MSI2: variants seen among roughly 807,000 people sequenced by gnomAD.
MSI2 encodes the protein RNA-binding protein Musashi homolog 2.
MSI2 carries 17 observed loss-of-function variants against 45.6 expected under a neutral mutation model. The ratio of observed to expected loss-of-function variants is 0.37; its 90% CI spans 0.26 to 0.56. The LOEUF is 0.56. Ranked by LOEUF, MSI2 falls within the 20% of genes least tolerant of loss-of-function variation. The probability of loss-of-function intolerance (pLI) is 0.77; values close to 1 mark genes in which losing one functional copy is unlikely to be tolerated. For synonymous variants in MSI2, 156 were observed against 158.2 expected (o/e 0.99, Z 0.11); for missense variants, 293 against 444.2 (o/e 0.66, Z 3.06).
intron 7 of MSI2, among the ~76,000 whole-genome samples, chr17:57,559,102 A>G (rs914052096): frequency 6.6e-6 from 1 of 152,142 alleles, no homozygotes; most frequent in Non-Finnish European, 1.5e-5. Flanking sequence ...CTTTGACATC[A>G]TTTTAATTCA....
intron 6 of MSI2, among the ~76,000 whole-genome samples, chr17:57,411,720 A>G (rs1567808802): frequency 1.3e-5 from 2 of 152,170 alleles, no homozygotes; most frequent in East Asian, 3.9e-4. Flanking sequence ...TAGAGTTACT[A>G]TGGTATGGCC....
At chr17:57,440,422 G>C (rs868372204) in intron 6 of MSI2, among the ~76,000 whole-genome samples, 2 of 128,304 alleles carry the variant, frequency 1.6e-5, no homozygotes, top group African/African-American at 6.1e-5. Context: ...CCGTGTGTGT[G>C]TGTGTGTGTG....
chr17:57,541,773 A>G (rs1347925609), intron 7 of MSI2, among the ~76,000 whole-genome samples: 4 of 152,192 alleles, frequency 2.6e-5, no homozygotes, highest in Non-Finnish European at 4.4e-5. Flanking sequence ...AATCACTGCC[A>G]TGATTTTAAA....
intron 6 of MSI2, among the ~76,000 whole-genome samples, chr17:57,476,612 T>C (rs2085542157): frequency 6.6e-6 from 1 of 152,208 alleles, no homozygotes. Flanking sequence ...GATTCAAGGA[T>C]ACCGGTTGAT....
intron 7 of MSI2, among the ~76,000 whole-genome samples, chr17:57,542,795 G>A (rs1212645986): frequency 6.6e-6 from 1 of 152,212 alleles, no homozygotes; most frequent in Non-Finnish European, 1.5e-5. Flanking sequence ...GTGTCCTGCT[G>A]TTAAGCCCTG....
intron 5 of MSI2, among the ~76,000 whole-genome samples, chr17:57,346,244 T>C (rs11079290): frequency 0.14 from 20,812 of 152,106 alleles, 1,524 homozygotes; most frequent in Non-Finnish European, 0.16. Context: ...TCGTGAGAAT[T>C]GCATAGAAAT....
chr17:57,685,092 C>T (rs904617934), downstream of MSI2, among the ~76,000 whole-genome samples: 1 of 152,112 alleles, frequency 6.6e-6, no homozygotes, highest in Non-Finnish European at 1.5e-5. Context: ...CCGCATTCCA[C>T]GACCCCTGAG....
At position 57,524,223 on chromosome 17, in the gene MSI2, C is replaced by T. The variant is rs983768940; in HGVS notation, c.406-5453C>T. ...CTCTTAAGGCTAGGCCCAAAACAGGCATACTCTTCCCCCCACCGCATTTTA... is the reference window on the plus strand; with the variant it reads ...CTCTTAAGGCTAGGCCCAAAACAGGTATACTCTTCCCCCCACCGCATTTTA... On this transcript the variant is annotated intron_variant, in intron 6 of 13. Transcript: ENST00000284073. 5.1e-4 allele frequency among the ~76,000 whole-genome samples: 78 copies of T among 152,328 alleles called. 1 individual carries two copies. Among genetic ancestry groups the T allele is most frequent in the African/African-American group, 1.5e-3 (61 of 41,560 alleles).
chr17:57,479,224 C>T (rs939692680), intron 6 of MSI2, among the ~76,000 whole-genome samples: 1 of 152,164 alleles, frequency 6.6e-6, no homozygotes, highest in Non-Finnish European at 1.5e-5. Flanking sequence ...ACCAGCCCCA[C>T]AGTTTCAAGC....
chr17:57,457,279 T>C (rs1567835353), intron 6 of MSI2, among the ~76,000 whole-genome samples: 1 of 152,208 alleles, frequency 6.6e-6, no homozygotes, highest in Non-Finnish European at 1.5e-5. Context: ...GATGGAGGAC[T>C]AGACATTTTC....
downstream of MSI2, among the ~76,000 whole-genome samples, chr17:57,685,028 G>A (rs1375159415): frequency 6.6e-6 from 1 of 152,126 alleles, no homozygotes; most frequent in Non-Finnish European, 1.5e-5. Context: ...GGAGCTAAGG[G>A]GCCCTCCCGG....
chr17:57,338,321 C>T (rs987093080), intron 5 of MSI2, among the ~76,000 whole-genome samples: 2 of 152,182 alleles, frequency 1.3e-5, no homozygotes, highest in East Asian at 3.8e-4. Flanking sequence ...AACTCCTGAC[C>T]TCAAATAACC....
chr17:57,602,577 A>G (rs1906021977), intron 8 of MSI2, among the ~76,000 whole-genome samples: 1 of 151,582 alleles, frequency 6.6e-6, no homozygotes, highest in Admixed American at 6.6e-5. Context: ...GTGGTCTAGA[A>G]CTCCTGGTCT....
At chr17:57,489,805 A>G (rs2085833019) in intron 6 of MSI2, among the ~76,000 whole-genome samples, 1 of 152,222 alleles carries the variant, frequency 6.6e-6, no homozygotes, top group Non-Finnish European at 1.5e-5. Context: ...AAGAAACAGG[A>G]CTTGGGGAGA....
At chr17:57,576,713 A>C (rs921554527) in intron 7 of MSI2, among the ~76,000 whole-genome samples, 32 of 149,634 alleles carry the variant, frequency 2.1e-4, no homozygotes, top group African/African-American at 7.7e-4. Context: ...GAGATGCGCC[A>C]CTGCCCTCCA....
chr17:57,547,369 C>T (rs949346494), intron 7 of MSI2, among the ~76,000 whole-genome samples: 11 of 152,010 alleles, frequency 7.2e-5, no homozygotes, highest in South Asian at 2.1e-4. Flanking sequence ...TAAGGAAGGA[C>T]GGGGATGCAT....
At chr17:57,432,992 C>T (rs1172961873) in intron 6 of MSI2, among the ~76,000 whole-genome samples, 1 of 152,238 alleles carries the variant, frequency 6.6e-6, no homozygotes, top group African/African-American at 2.4e-5. Context: ...CTGTTCCCAA[C>T]TTGCAGTGGC....
At chr17:57,430,163 G>T (rs1016925644) in intron 6 of MSI2, among the ~76,000 whole-genome samples, 3 of 152,190 alleles carry the variant, frequency 2.0e-5, no homozygotes, top group African/African-American at 7.2e-5. Flanking sequence ...CTAGTACACA[G>T]TGCCCATTCA....
At chr17:57,590,342 G>C (rs78427838) in intron 7 of MSI2, among the ~76,000 whole-genome samples, 3 of 152,132 alleles carry the variant, frequency 2.0e-5, no homozygotes, top group Non-Finnish European at 4.4e-5. Context: ...GTTAACTGTC[G>C]ATGTTCCTCA....
Sources: allele counts gnomAD v4.1 joint callset (sites outside exome capture counted in the v4.1 genomes callset), GRCh38; gene constraint gnomAD v4.1.1; transcripts MANE v1.5; gene names NCBI Gene and HGNC (gene_info 2026-07-23, HGNC 2026-07-21).